Variants in SPIN1 observed in about 807,000 individuals in gnomAD.
SPIN1 encodes the protein spindlin 1.
SPIN1 carries 3 observed loss-of-function variants against 26.0 expected under a neutral mutation model. The ratio of observed to expected loss-of-function variants is 0.12; its 90% CI spans 0.05 to 0.30. SPIN1 has a LOEUF of 0.30. SPIN1 is among the 10% of genes least tolerant of loss of function. The probability of loss-of-function intolerance (pLI) is 1.00; values close to 1 mark genes in which losing one functional copy is unlikely to be tolerated. For missense variants in SPIN1, 126 were observed against 333.4 expected (o/e 0.38, Z 4.84); for synonymous variants, 101 against 116.5 (o/e 0.87, Z 0.86).
At chr9:88,427,856 C>T (rs572412558) in intron 2 of SPIN1, among the ~76,000 whole-genome samples, 2 of 152,252 alleles carry the variant, frequency 1.3e-5, no homozygotes, top group East Asian at 1.9e-4. Context: ...GCGTCAGCCT[C>T]CCAAAGTGCT....
At chr9:88,397,429 C>T (rs1341732569) in intron 1 of SPIN1, among the ~76,000 whole-genome samples, 1 of 152,066 alleles carries the variant, frequency 6.6e-6, no homozygotes, top group African/African-American at 2.4e-5. Flanking sequence ...TATTCTCCAC[C>T]AGGAATCTTG....
chr9:88,429,572 G>T (rs1457104964), intron 2 of SPIN1, among the ~76,000 whole-genome samples: 1 of 152,180 alleles, frequency 6.6e-6, no homozygotes, highest in Admixed American at 6.5e-5. Context: ...GATGGAAGAA[G>T]GAGAGATGCA....
At chr9:88,438,555 A>G (rs1239519614) in intron 2 of SPIN1, among the ~76,000 whole-genome samples, 2 of 152,130 alleles carry the variant, frequency 1.3e-5, no homozygotes, top group Non-Finnish European at 2.9e-5. Flanking sequence ...AGATTTGACT[A>G]TAGATCAAAT....
intron 3 of SPIN1, 143 bp downstream of exon 3, chr9:88,449,132 A>G (rs964865446): frequency 5.7e-6 from 4 of 704,498 alleles, no homozygotes; most frequent in African/African-American, 3.6e-5. Context: ...GAGGAATAGT[A>G]TGTAGTCATC....
intron 1 of SPIN1, among the ~76,000 whole-genome samples, chr9:88,405,868 C>G (rs906513327): frequency 1.3e-5 from 2 of 151,222 alleles, no homozygotes; most frequent in Admixed American, 6.6e-5. Context: ...GACAGGGTCT[C>G]GCTCTGGCCA....
At chr9:88,467,302 A>G (rs1828688568) in intron 4 of SPIN1, among the ~76,000 whole-genome samples, 1 of 152,226 alleles carries the variant, frequency 6.6e-6, no homozygotes, top group South Asian at 2.1e-4. Flanking sequence ...CTGACCTGCT[A>G]TGATCTAGGT....
In SPIN1 at chr9:88,424,046, G is replaced by T. The variant is rs192052287; in HGVS notation, c.-158-2336G>T. On this transcript the variant is annotated intron_variant, in intron 1 of 5. Coordinates refer to ENST00000375859, the MANE Select transcript of SPIN1 (RefSeq NM_006717.3). ...GCCTCCCAAGGTGTTGGGTTTACAG[G>T]TGTGAACCACTGCGCCTGGCCTTTA... is the stretch of plus-strand genomic sequence containing the variant. Among the ~76,000 whole-genome samples, 525 of 152,302 alleles carry T rather than the reference G, an allele frequency of 3.4e-3. 1 individual carries two copies. Among genetic ancestry groups the T allele is most frequent in the Non-Finnish European group, 5.6e-3 (382 of 68,032 alleles).
intron 2 of SPIN1, among the ~76,000 whole-genome samples, chr9:88,446,968 A>G (rs543857862): frequency 6.6e-6 from 1 of 152,228 alleles, no homozygotes; most frequent in East Asian, 1.9e-4. Flanking sequence ...TATGCTTTTT[A>G]TCACATCTGG....
At chr9:88,457,323 AG>A (rs1828490966) in intron 3 of SPIN1, among the ~76,000 whole-genome samples, 1 of 152,114 alleles carries the variant, frequency 6.6e-6, no homozygotes, top group Non-Finnish European at 1.5e-5. Context: ...TGAGGCCAGG[AG>A]TTTGAGCCAG....
At chr9:88,390,388 A>G (rs1361896905) in intron 1 of SPIN1, among the ~76,000 whole-genome samples, 1 of 152,162 alleles carries the variant, frequency 6.6e-6, no homozygotes, top group Non-Finnish European at 1.5e-5. Context: ...TGGCTATCAT[A>G]TTGATGAGAG....
intron 2 of SPIN1, among the ~76,000 whole-genome samples, chr9:88,435,786 C>T (rs1827988548): frequency 6.6e-6 from 1 of 152,078 alleles, no homozygotes; most frequent in South Asian, 2.1e-4. Context: ...TCTTGAGTCC[C>T]TGGTCTCTCA....
intron 1 of SPIN1, among the ~76,000 whole-genome samples, chr9:88,392,265 TA>T (rs1456881683): frequency 6.6e-6 from 1 of 152,220 alleles, no homozygotes; most frequent in African/African-American, 2.4e-5. Flanking sequence ...ATTATGTTTT[TA>T]CTGGGAGCCT....
intron 1 of SPIN1, chr9:88,410,867 A>C: frequency 1.1e-6 from 1 of 938,416 alleles, no homozygotes; most frequent in Non-Finnish European, 1.7e-6. Flanking sequence ...CCACGTTTCC[A>C]GAATCACTTA....
At chr9:88,427,703 T>A (rs1333881988) in intron 2 of SPIN1, among the ~76,000 whole-genome samples, 4 of 152,154 alleles carry the variant, frequency 2.6e-5, no homozygotes, top group Admixed American at 1.3e-4. Context: ...TTCAAGCGGT[T>A]CTCCTGCCTT....
At chr9:88,417,652 T>C (rs945041789) in intron 1 of SPIN1, among the ~76,000 whole-genome samples, 7 of 151,990 alleles carry the variant, frequency 4.6e-5, no homozygotes, top group Non-Finnish European at 1.0e-4. Context: ...TTTGTATTTT[T>C]AGTAGAGATG....
intron 5 of SPIN1, among the ~76,000 whole-genome samples, chr9:88,473,764 GGCC>G (rs1387562066): frequency 6.6e-6 from 1 of 152,040 alleles, no homozygotes; most frequent in Admixed American, 6.5e-5. Flanking sequence ...TGGTAAAACA[GGCC>G]TCTACATGAC....
intron 1 of SPIN1, among the ~76,000 whole-genome samples, chr9:88,415,910 A>ATTT (rs34382784): frequency 3.0e-5 from 4 of 131,712 alleles, no homozygotes; most frequent in Non-Finnish European, 4.8e-5. Flanking sequence ...TGCTCGGCTA[A>ATTT]TTTTTTTTTT....
At chr9:88,402,224 C>T (rs1167390458) in intron 1 of SPIN1, among the ~76,000 whole-genome samples, 2 of 152,090 alleles carry the variant, frequency 1.3e-5, no homozygotes, top group African/African-American at 4.8e-5. Context: ...GTCCCCTGAC[C>T]TCAGGTGATC....
At chr9:88,433,433 GTTTC>G (rs1227465332) in intron 2 of SPIN1, among the ~76,000 whole-genome samples, 1 of 152,030 alleles carries the variant, frequency 6.6e-6, no homozygotes, top group Non-Finnish European at 1.5e-5. Flanking sequence ...TTGCTGACGA[GTTTC>G]TTTGTGTCTC....
Sources: allele counts gnomAD v4.1 joint callset (sites outside exome capture counted in the v4.1 genomes callset), GRCh38; gene constraint gnomAD v4.1.1; transcripts MANE v1.5; gene names NCBI Gene and HGNC (gene_info 2026-07-23, HGNC 2026-07-21).